The following UIMC1 variants were observed in gnomAD, a reference collection of about 807,000 sequenced individuals.
UIMC1 encodes BRCA1-A complex subunit RAP80.
UIMC1 carries 42 observed loss-of-function variants against 84.9 expected under a neutral mutation model. The observed-to-expected ratio is 0.49, with a 90% confidence interval of 0.39 to 0.64. The LOEUF is 0.64. Among genes scored for constraint, UIMC1 ranks in the 30% least tolerant of loss-of-function variants. The pLI, the probability that UIMC1 is intolerant of heterozygous loss-of-function variation, is 0.00. For missense variants in UIMC1, 825 were observed against 847.6 expected, an observed-to-expected ratio of 0.97 and a Z score of 0.33; for synonymous variants, 281 against 293.0, an observed-to-expected ratio of 0.96 and a Z score of 0.42.
chr5:176,995,537 C>CAA (rs57521139), intron 1 of UIMC1, among the ~76,000 whole-genome samples: 1,459 of 36,326 alleles, frequency 0.04, 101 homozygotes, highest in African/African-American at 0.1. Context: ...ACTCTGTCTC[C>CAA]AAAAAAAAAA....
intron 6 of UIMC1, among the ~76,000 whole-genome samples, chr5:176,963,983 C>T (rs1337649128): frequency 1.3e-5 from 2 of 152,190 alleles, no homozygotes; most frequent in Non-Finnish European, 1.5e-5. Context: ...CCTTCATTAG[C>T]AACTTTATCT....
chr5:176,959,465 C>T (rs941244913), intron 6 of UIMC1, among the ~76,000 whole-genome samples: 9 of 151,934 alleles, frequency 5.9e-5, no homozygotes, highest in Non-Finnish European at 1.3e-4. Context: ...GCCTGTAATC[C>T]CAGCACTTTG....
At position 176,908,509 on chromosome 5, in the gene UIMC1, C is replaced by T. The variant is rs747402790; in HGVS notation, c.1848+14G>A. ...GAGGGTTAGGTGGCCTTTCCCAAAA[C>T]ACTCTACACATACCTTTGGGTTCTT... On this transcript the variant is annotated intron_variant, in intron 12 of 14. Coordinates refer to ENST00000511320, the MANE Select transcript of UIMC1 (RefSeq NM_001199298.2). 1.2e-6 allele frequency: 2 copies of T among 1,608,378 alleles called. No homozygotes were observed. Among genetic ancestry groups the T allele is most frequent in the South Asian group, 2.2e-5 (2 of 90,308 alleles).
Position 176,905,337 on chromosome 5 carries a change from TG to T in UIMC1, c.2104del (p.Gln702SerfsTer26). 6.2e-7 allele frequency: 1 copy of T among 1,614,162 alleles called. No homozygotes were observed. Among genetic ancestry groups the T allele is most frequent in the Non-Finnish European group, 8.5e-7 (1 of 1,180,004 alleles). ...LVDFKKQVTV[Q>X]PGSRTRTKAG... Reference sequence around the variant, plus strand: ...TTTGGTCCGTGTCCGACTACCTGGCTGGACAGTAACTTGCTTTTTAAAGTCC... The same window carrying T: ...TTTGGTCCGTGTCCGACTACCTGGCTGACAGTAACTTGCTTTTTAAAGTCC... On this transcript the variant is annotated frameshift_variant, in exon 15 of 15. Transcript: ENST00000511320. LOFTEE classifies it high-confidence loss of function.
At chr5:177,004,705 A>G (rs1018385899) in intron 1 of UIMC1, among the ~76,000 whole-genome samples, 1 of 152,144 alleles carries the variant, frequency 6.6e-6, no homozygotes, top group Admixed American at 6.6e-5. Context: ...AAAATCCTCA[A>G]TTTCAGATAT....
At chr5:176,968,479 A>G (rs1406505418) in intron 6 of UIMC1, 76 bp downstream of exon 6, 4 of 1,519,814 alleles carry the variant, frequency 2.6e-6, no homozygotes, top group Non-Finnish European at 3.5e-6. Flanking sequence ...GGAAGACCAC[A>G]AAAATAACAG....
At chr5:177,014,559 G>A (rs1775632646) in intron 1 of UIMC1, among the ~76,000 whole-genome samples, 1 of 152,080 alleles carries the variant, frequency 6.6e-6, no homozygotes, top group African/African-American at 2.4e-5. Flanking sequence ...TGGACAACAG[G>A]AGATGGTAGA....
At chr5:176,930,527 T>C (rs1424623515) in intron 10 of UIMC1, among the ~76,000 whole-genome samples, 1 of 152,220 alleles carries the variant, frequency 6.6e-6, no homozygotes. Flanking sequence ...GTTATGAGGA[T>C]TAGAACAATA....
intron 2 of UIMC1, 95 bp from the exon 3 acceptor site, chr5:176,975,575 A>G: frequency 1.7e-6 from 2 of 1,163,882 alleles, no homozygotes; most frequent in Admixed American, 2.0e-5. Flanking sequence ...GAGGCCTCTG[A>G]GGAATTGGTG....
At chr5:176,918,161 C>T (rs1365295565) in intron 10 of UIMC1, among the ~76,000 whole-genome samples, 1 of 152,174 alleles carries the variant, frequency 6.6e-6, no homozygotes, top group Non-Finnish European at 1.5e-5. Flanking sequence ...ACCTTGAGCA[C>T]CAAAAGAAAT....
At chr5:176,965,658 ACTG>A (rs1456771936) in intron 6 of UIMC1, among the ~76,000 whole-genome samples, 2 of 152,126 alleles carry the variant, frequency 1.3e-5, no homozygotes, top group Non-Finnish European at 1.5e-5. Context: ...AATTCAGTTT[ACTG>A]CAGCAAATAG....
At chr5:177,009,072 T>C (rs1476857049), upstream of UIMC1, among the ~76,000 whole-genome samples, 1 of 152,052 alleles carries the variant, frequency 6.6e-6, no homozygotes, top group East Asian at 1.9e-4. This position sits in a 1 kb window ranked among gnomAD's most constrained non-coding sequence, Gnocchi z 4.3. Flanking sequence ...AGTGGTGTCA[T>C]CAGGGCTCAC....
chr5:176,978,252 A>G (rs1770459817), intron 2 of UIMC1, among the ~76,000 whole-genome samples: 1 of 152,100 alleles, frequency 6.6e-6, no homozygotes, highest in Admixed American at 6.5e-5. Flanking sequence ...AGGCGCCTGT[A>G]GTCCCAGCTA....
chr5:176,906,022 T>C lies in UIMC1; in HGVS notation c.1938A>G (p.Thr646=). The C allele has an allele frequency of 6.2e-7, 1 of 1,614,088 alleles. No individual in the cohort carries two copies. Among genetic ancestry groups the C allele is most frequent in the Non-Finnish European group, 8.5e-7 (1 of 1,179,964 alleles). The change falls in exon 14 of 15, where the codon ACA becomes ACG. Residue 646 remains threonine (T), a synonymous_variant. Coordinates refer to ENST00000511320, the MANE Select transcript of UIMC1 (RefSeq NM_001199298.2). The part of the protein sequence containing the change: ...TSDADIKSSE[T]GAFRVPSPGM... ...ACAATCCAATTCACCTGAAGGCTCC[T>C]GTTTCTGAAGACTTGATGTCTGCAT...
At chr5:176,974,312 C>T (rs1347710673) in intron 3 of UIMC1, among the ~76,000 whole-genome samples, 1 of 152,044 alleles carries the variant, frequency 6.6e-6, no homozygotes. Flanking sequence ...GTCTTTCCAG[C>T]AAATGGTACA....
chr5:176,984,546 G>A (rs1288597883), intron 1 of UIMC1, among the ~76,000 whole-genome samples: 1 of 151,738 alleles, frequency 6.6e-6, no homozygotes, highest in Non-Finnish European at 1.5e-5. Flanking sequence ...AGTGAGGAGT[G>A]CCTCTGCCCG....
chr5:176,952,056 T>G (rs771085052), intron 8 of UIMC1, among the ~76,000 whole-genome samples: 1 of 152,246 alleles, frequency 6.6e-6, no homozygotes, highest in Non-Finnish European at 1.5e-5. Flanking sequence ...GATGGACCCA[T>G]GTCGTCACAT....
intron 6 of UIMC1, among the ~76,000 whole-genome samples, chr5:176,967,499 G>C (rs1211616299): frequency 1.3e-5 from 2 of 152,056 alleles, no homozygotes; most frequent in African/African-American, 2.4e-5. Context: ...GAGGGGAACT[G>C]GCTGGCTAGG....
intron 10 of UIMC1, among the ~76,000 whole-genome samples, chr5:176,931,162 T>C (rs1763039464): frequency 6.6e-6 from 1 of 152,188 alleles, no homozygotes; most frequent in Non-Finnish European, 1.5e-5. Context: ...AACTTATCCT[T>C]ATATTAATAG....
Sources: allele counts gnomAD v4.1 joint callset (sites outside exome capture counted in the v4.1 genomes callset), GRCh38; gene constraint gnomAD v4.1.1; non-coding constraint Gnocchi (gnomAD v3.1); transcripts MANE v1.5; gene names NCBI Gene and HGNC (gene_info 2026-07-23, HGNC 2026-07-21).